The following BMPR1B variants were observed in gnomAD, a reference collection of about 807,000 sequenced individuals.
BMPR1B encodes the protein bone morphogenetic protein receptor type 1B, also known as bone morphogenetic protein receptor type-1B.
In BMPR1B, 12 loss-of-function variants were observed where a neutral mutation model predicts 59.1. The observed-to-expected ratio is 0.20, with a 90% CI of 0.13 to 0.33. The LOEUF (loss-of-function observed/expected upper bound fraction) is 0.33, where lower values mean the gene tolerates loss of function less well. Ranked by LOEUF, BMPR1B falls within the 10% of genes least tolerant of loss-of-function variation. The pLI is 1.00. For synonymous variants in BMPR1B, 237 were observed against 207.3 expected (o/e 1.14, Z -1.23); for missense variants, 550 against 610.9 (o/e 0.90, Z 1.05).
At chr4:95,146,031 C>T (rs1384718554) in intron 10 of BMPR1B, among the ~76,000 whole-genome samples, 1 of 152,126 alleles carries the variant, frequency 6.6e-6, no homozygotes. Flanking sequence ...AGACACACTG[C>T]GAATGGAGAA....
intron 1 of BMPR1B, among the ~76,000 whole-genome samples, chr4:94,794,055 G>T (rs890855613): frequency 1.3e-5 from 2 of 150,910 alleles, no homozygotes; most frequent in Non-Finnish European, 3.0e-5. Flanking sequence ...GGCTTTTGTT[G>T]CCATTGCTTT....
At chr4:94,990,800 C>T (rs558897767) in intron 2 of BMPR1B, among the ~76,000 whole-genome samples, 1 of 152,232 alleles carries the variant, frequency 6.6e-6, no homozygotes, top group Admixed American at 6.5e-5. Flanking sequence ...CCCATCAACT[C>T]GTCATTTAAC....
chr4:95,021,065 A>G (rs1723947095), intron 3 of BMPR1B, among the ~76,000 whole-genome samples: 1 of 152,176 alleles, frequency 6.6e-6, no homozygotes, highest in Admixed American at 6.5e-5. Flanking sequence ...TTTATGAAGA[A>G]AATACGCTGA....
At chr4:94,823,423 A>G (rs924543788) in intron 1 of BMPR1B, among the ~76,000 whole-genome samples, 3 of 152,126 alleles carry the variant, frequency 2.0e-5, no homozygotes, top group African/African-American at 7.2e-5. Flanking sequence ...GTTATGAGAA[A>G]AGGCTGGGGG....
intron 3 of BMPR1B, among the ~76,000 whole-genome samples, chr4:95,016,005 A>G (rs560468802): frequency 4.7e-4 from 72 of 152,282 alleles, no homozygotes; most frequent in African/African-American, 1.7e-3. Context: ...ATCATTTTAA[A>G]TTGAAAATAT....
chr4:94,816,237 C>A (rs905116936), intron 1 of BMPR1B, among the ~76,000 whole-genome samples: 1 of 152,216 alleles, frequency 6.6e-6, no homozygotes, highest in African/African-American at 2.4e-5. Context: ...ACCTCTGCCT[C>A]CCAGGTTCAA....
At chr4:94,952,548 GT>G (rs1729987801) in intron 2 of BMPR1B, among the ~76,000 whole-genome samples, 1 of 152,184 alleles carries the variant, frequency 6.6e-6, no homozygotes, top group African/African-American at 2.4e-5. Context: ...AGGTTGTTCA[GT>G]TTCCATGTAG....
intron 1 of BMPR1B, among the ~76,000 whole-genome samples, chr4:94,773,489 A>G (rs184752440): frequency 2.6e-4 from 39 of 152,220 alleles, no homozygotes; most frequent in Admixed American, 3.9e-4. Flanking sequence ...TTTTATGAAT[A>G]AACTCATTAC....
At chr4:95,051,779 A>T (rs1726522777) in intron 3 of BMPR1B, 4 of 1,535,366 alleles carry the variant, frequency 2.6e-6, no homozygotes, top group Non-Finnish European at 3.5e-6. Context: ...AGGGGTAAGA[A>T]GATCAGTGCC....
chr4:94,901,373 C>A (rs6816886), intron 2 of BMPR1B, among the ~76,000 whole-genome samples: 26,993 of 151,812 alleles, frequency 0.18, 2,520 homozygotes, highest in South Asian at 0.22. Flanking sequence ...AGATCTCAGT[C>A]AGAATAAGAC....
chr4:95,001,501 CA>C (rs1451815696), intron 3 of BMPR1B, among the ~76,000 whole-genome samples: 2 of 152,156 alleles, frequency 1.3e-5, no homozygotes, highest in Non-Finnish European at 2.9e-5. Flanking sequence ...GCCACACAAA[CA>C]TTCATTCAAT....
intron 1 of BMPR1B, among the ~76,000 whole-genome samples, chr4:94,786,620 G>A (rs1722773261): frequency 6.6e-6 from 1 of 152,088 alleles, no homozygotes; most frequent in African/African-American, 2.4e-5. Context: ...CTCACTGCAA[G>A]CTCCGCCTCC....
chr4:95,000,994 G>A (rs2149109077), intron 3 of BMPR1B, among the ~76,000 whole-genome samples: 1 of 152,204 alleles, frequency 6.6e-6, no homozygotes, highest in East Asian at 1.9e-4. Context: ...TTTATCAATG[G>A]GCAGTTGTGG....
At position 94,840,553 on chromosome 4, in the gene BMPR1B, A is replaced by G. The variant is rs1440147131; in HGVS notation, c.-182-35278A>G. On this transcript the variant is annotated intron_variant, in intron 1 of 12. Coordinates refer to ENST00000515059, the MANE Select transcript of BMPR1B (RefSeq NM_001203.3). ...GATACCCTTTCTTCCAGTTGATCGC[A>G]TCGGCTCCTGAGGCTTCTGCATTCT... Among the ~76,000 whole-genome samples, 4 of 146,156 alleles carry G rather than the reference A, an allele frequency of 2.7e-5. 1 individual carries two copies. Among genetic ancestry groups the G allele is most frequent in the African/African-American group, 1.0e-4 (4 of 39,292 alleles).
chr4:94,826,970 G>T (rs923029487), intron 1 of BMPR1B, among the ~76,000 whole-genome samples: 3 of 152,020 alleles, frequency 2.0e-5, no homozygotes, highest in Non-Finnish European at 4.4e-5. Context: ...ACTTTCAAAT[G>T]ATATAATTAC....
At chr4:94,760,657 C>T (rs891145857) in intron 1 of BMPR1B, among the ~76,000 whole-genome samples, 4 of 152,202 alleles carry the variant, frequency 2.6e-5, no homozygotes, top group Admixed American at 1.3e-4. Context: ...GCCCCTCTTT[C>T]GGTGTCCACC....
intron 3 of BMPR1B, among the ~76,000 whole-genome samples, chr4:95,007,896 GA>G (rs1488648298): frequency 6.6e-6 from 1 of 152,018 alleles, no homozygotes; most frequent in African/African-American, 2.4e-5. Flanking sequence ...AGTCATTTAA[GA>G]AAAAAGTTAT....
At chr4:94,817,229 A>G (rs1300391682) in intron 1 of BMPR1B, among the ~76,000 whole-genome samples, 1 of 152,184 alleles carries the variant, frequency 6.6e-6, no homozygotes, top group Non-Finnish European at 1.5e-5. Flanking sequence ...ATCCAGTCTC[A>G]GGTATTTTGT....
intron 2 of BMPR1B, among the ~76,000 whole-genome samples, chr4:94,895,016 C>T (rs2148993968): frequency 6.6e-6 from 1 of 151,466 alleles, no homozygotes; most frequent in South Asian, 2.1e-4. Context: ...AGAAGAATAA[C>T]AGTAGAGAAG....
Sources: allele counts gnomAD v4.1 joint callset (sites outside exome capture counted in the v4.1 genomes callset), GRCh38; gene constraint gnomAD v4.1.1; transcripts MANE v1.5; gene names NCBI Gene and HGNC (gene_info 2026-07-23, HGNC 2026-07-21).